CPED1: variants seen among roughly 807,000 people sequenced by gnomAD.
CPED1 encodes the protein cadherin-like and PC-esterase domain-containing protein 1.
Under a neutral mutation model 128.2 loss-of-function variants are expected in CPED1, and 114 were observed. The observed-to-expected ratio is 0.89, with a 90% CI of 0.76 to 1.04. The LOEUF is 1.04. CPED1 is among the 50% of genes least tolerant of loss of function. CPED1 has a pLI of 0.00. For synonymous variants in CPED1, 462 were observed against 426.7 expected (o/e 1.08, Z -1.02); for missense variants, 1,211 against 1,207.1 (o/e 1.00, Z -0.05).
At chr7:121,094,922 A>T (rs954475074) in intron 5 of CPED1, among the ~76,000 whole-genome samples, 12 of 152,218 alleles carry the variant, frequency 7.9e-5, no homozygotes, top group African/African-American at 2.4e-4. Context: ...ATAAGCTAAG[A>T]GTAGCCAATA....
chr7:121,015,561 A>G, intron 2 of CPED1, 104 bp from the exon 3 acceptor site: 1 of 1,052,814 alleles, frequency 9.5e-7, no homozygotes, highest in Admixed American at 3.2e-5. Flanking sequence ...CTAGAGAAAA[A>G]CTTTAGAATA....
intron 2 of CPED1, among the ~76,000 whole-genome samples, chr7:121,005,455 G>A (rs1213709595): frequency 6.7e-6 from 1 of 149,578 alleles, no homozygotes; most frequent in African/African-American, 2.5e-5. Flanking sequence ...TAATGGGATT[G>A]TTGGGTCAAA....
At chr7:121,157,896 TTTC>T (rs1203816115) in intron 16 of CPED1, among the ~76,000 whole-genome samples, 1 of 152,174 alleles carries the variant, frequency 6.6e-6, no homozygotes, top group Admixed American at 6.5e-5. Context: ...AAGTTCCCCA[TTTC>T]TTCTTTAGAA....
intron 16 of CPED1, among the ~76,000 whole-genome samples, chr7:121,164,796 T>G (rs1010130406): frequency 1.4e-4 from 22 of 152,246 alleles, no homozygotes. Context: ...CAAAATACCC[T>G]GTCTTTGTGT....
chr7:121,149,128 C>G (rs971147493), intron 16 of CPED1, among the ~76,000 whole-genome samples: 11 of 152,182 alleles, frequency 7.2e-5, no homozygotes, highest in Admixed American at 6.5e-5. Context: ...TGTCCATGGA[C>G]TGAGGCATCC....
At position 121,239,481 on chromosome 7, in the gene CPED1, G is replaced by A. The variant is rs143812954; in HGVS notation, c.2173+2650G>A. Among the ~76,000 whole-genome samples, 834 of 152,136 alleles carry A rather than the reference G, an allele frequency of 5.5e-3. 5 individuals carry two copies. The highest frequency in any genetic ancestry group is 9.9e-3 in the Non-Finnish European group (671 of 67,972). Reference sequence around the variant, plus strand: ...AATAAAAATTTCTACAGTGGTCATTGAATGAGAATTAACTTTAAGGAAAAT... The same window carrying A: ...AATAAAAATTTCTACAGTGGTCATTAAATGAGAATTAACTTTAAGGAAAAT... On this transcript the variant is annotated intron_variant, in intron 17 of 22. Coordinates refer to ENST00000310396, the MANE Select transcript of CPED1 (RefSeq NM_024913.5).
In CPED1 at chr7:120,997,614, T is replaced by C. The variant is rs955069368; in HGVS notation, c.249+7744T>C. Among the ~76,000 whole-genome samples, 62 of 152,290 alleles carry C rather than the reference T, an allele frequency of 4.1e-4. 1 individual carries two copies. The highest frequency in any genetic ancestry group is 2.0e-3 in the Admixed American group (30 of 15,284). ...GAGTAAGGTGGCCCCTAATCCAATA[T>C]GACTGGTGTTATAGGAAGGCAGTAG... On this transcript the variant is annotated intron_variant, in intron 2 of 22. Coordinates refer to ENST00000310396, the MANE Select transcript of CPED1 (RefSeq NM_024913.5).
At chr7:121,287,689 ATGTTTTCCCC>A (rs1483699210) in intron 22 of CPED1, among the ~76,000 whole-genome samples, 6 of 151,804 alleles carry the variant, frequency 4.0e-5, no homozygotes, top group South Asian at 4.2e-4. Context: ...TTTCTTTTTC[ATGTTTTCCCC>A]TGTTTTCCCC....
chr7:121,140,212 A>C (rs1795869316), intron 14 of CPED1, among the ~76,000 whole-genome samples: 1 of 152,008 alleles, frequency 6.6e-6, no homozygotes, highest in African/African-American at 2.4e-5. Context: ...CTATGACAGG[A>C]TGGAGCAGAG....
intron 13 of CPED1, among the ~76,000 whole-genome samples, chr7:121,134,278 A>G (rs1795738811): frequency 6.6e-6 from 1 of 152,058 alleles, no homozygotes; most frequent in African/African-American, 2.4e-5. Context: ...GTTGTTTGTT[A>G]TTTGTGACAT....
intron 16 of CPED1, among the ~76,000 whole-genome samples, chr7:121,192,497 T>C (rs995595350): frequency 6.6e-6 from 1 of 152,140 alleles, no homozygotes; most frequent in African/African-American, 2.4e-5. Flanking sequence ...ACATGCTGCT[T>C]TGGGTCTGTG....
chr7:121,238,068 G>T (rs920424911), intron 17 of CPED1, among the ~76,000 whole-genome samples: 2 of 152,152 alleles, frequency 1.3e-5, no homozygotes, highest in African/African-American at 4.8e-5. Flanking sequence ...ACTGGACAAA[G>T]ACAAAAGTTC....
At chr7:121,288,062 T>G (rs1457783518) in intron 22 of CPED1, among the ~76,000 whole-genome samples, 1 of 152,210 alleles carries the variant, frequency 6.6e-6, no homozygotes. Flanking sequence ...TAATGAAATG[T>G]TTCATAATAT....
intron 3 of CPED1, among the ~76,000 whole-genome samples, chr7:121,025,670 C>A (rs913885915): frequency 1.5e-4 from 23 of 152,182 alleles, no homozygotes; most frequent in African/African-American, 5.3e-4. Flanking sequence ...CATCTTTCAA[C>A]CCCTCCTTCT....
intron 16 of CPED1, among the ~76,000 whole-genome samples, chr7:121,188,250 T>C (rs1358343317): frequency 1.3e-5 from 2 of 152,158 alleles, no homozygotes; most frequent in East Asian, 3.9e-4. Flanking sequence ...TTGTTGAATA[T>C]GGATGTTCAA....
chr7:121,129,291 A>G (rs1231222410), intron 11 of CPED1, among the ~76,000 whole-genome samples: 3 of 71,478 alleles, frequency 4.2e-5, no homozygotes, highest in East Asian at 1.5e-3. Context: ...ATATATGTAT[A>G]TATATATATA....
chr7:121,035,772 G>A (rs537310040), intron 3 of CPED1, among the ~76,000 whole-genome samples: 1 of 152,198 alleles, frequency 6.6e-6, no homozygotes, highest in South Asian at 2.1e-4. Context: ...GGTCAAAGCT[G>A]CAGTGAGCTG....
intron 16 of CPED1, among the ~76,000 whole-genome samples, chr7:121,164,681 AG>A (rs772682439): frequency 1.3e-5 from 2 of 152,310 alleles, no homozygotes; most frequent in Admixed American, 1.3e-4. Context: ...TCATATAAAA[AG>A]CACCTGCTTT....
At chr7:121,160,443 A>G (rs1382385753) in intron 16 of CPED1, among the ~76,000 whole-genome samples, 3 of 152,160 alleles carry the variant, frequency 2.0e-5, no homozygotes, top group Non-Finnish European at 4.4e-5. Flanking sequence ...AAGAGAGACT[A>G]TGTCCCCCCA....
Sources: gnomAD v4.1 joint callset for allele counts (sites outside exome capture counted in the v4.1 genomes callset) on GRCh38, gnomAD v4.1.1 for gene constraint, MANE v1.5 for transcripts, NCBI Gene and HGNC (gene_info 2026-07-23, HGNC 2026-07-21) for gene names.